The following ZFYVE28 variants were observed in gnomAD, a reference collection of about 807,000 sequenced individuals.
ZFYVE28 encodes zinc finger FYVE-type containing 28.
Under a neutral mutation model 82.1 loss-of-function variants are expected in ZFYVE28, and 40 were observed. The ratio of observed to expected loss-of-function variants is 0.49; its 90% CI spans 0.38 to 0.63. ZFYVE28 has a LOEUF of 0.63. ZFYVE28 is among the 30% of genes least tolerant of loss of function. The probability of loss-of-function intolerance (pLI) is 0.00; values close to 1 mark genes in which losing one functional copy is unlikely to be tolerated. For missense variants in ZFYVE28, 1,321 were observed against 1,242.1 expected, an observed-to-expected ratio of 1.06 and a Z score of -0.96; for synonymous variants, 612 against 546.1, an observed-to-expected ratio of 1.12 and a Z score of -1.68.
chr4:2,390,716 C>A (rs1729733255), intron 1 of ZFYVE28, among the ~76,000 whole-genome samples: 1 of 152,246 alleles, frequency 6.6e-6, no homozygotes, highest in South Asian at 2.1e-4. Context: ...GCCTCTCTAG[C>A]TGCCTGAAGT....
chr4:2,398,959 T>G (rs369536769), intron 1 of ZFYVE28, among the ~76,000 whole-genome samples: 335 of 60,132 alleles, frequency 5.6e-3, no homozygotes, highest in Middle Eastern at 0.012. Context: ...ACAAGGGGGG[T>G]GTGAGATCCA....
chr4:2,276,154 G>C (rs535122932), intron 8 of ZFYVE28, among the ~76,000 whole-genome samples: 2 of 152,224 alleles, frequency 1.3e-5, no homozygotes, highest in Non-Finnish European at 2.9e-5. Flanking sequence ...AGCGGGGGAG[G>C]AGGCTGGAAG....
At chr4:2,317,589 A>G (rs1276649474) in intron 7 of ZFYVE28, among the ~76,000 whole-genome samples, 1 of 151,692 alleles carries the variant, frequency 6.6e-6, no homozygotes, top group East Asian at 1.9e-4. Context: ...CAACTTCAAA[A>G]TCTGGCAAAC....
At chr4:2,296,976 G>T (rs1464785299) in intron 8 of ZFYVE28, among the ~76,000 whole-genome samples, 1 of 152,212 alleles carries the variant, frequency 6.6e-6, no homozygotes, top group African/African-American at 2.4e-5. Context: ...CTGCAGGGAG[G>T]GAAGCGTGGG....
chr4:2,312,676 G>A (rs532064783), intron 7 of ZFYVE28, among the ~76,000 whole-genome samples: 10 of 143,220 alleles, frequency 7.0e-5, no homozygotes, highest in African/African-American at 2.4e-4. Context: ...TGCAGTGAGC[G>A]AGATCGCGCC....
rs540966782 is a variant in ZFYVE28 at position 2,364,124 on chromosome 4, C to T, written c.40-10051G>A. On this transcript the variant is annotated intron_variant, in intron 1 of 12. Transcript: ENST00000290974. ...CCAGGCCTCAGGTCACAGCTCCAGG[C>T]TCACTGTGGCCTTCTGGCCCAGTGG... 2.0e-5 allele frequency among the ~76,000 whole-genome samples: 3 copies of T among 152,340 alleles called. No individual in the cohort carries two copies. In the East Asian group the frequency reaches 5.8e-4, roughly 29 times the overall value.
chr4:2,361,666 C>T (rs1299821867), intron 1 of ZFYVE28, among the ~76,000 whole-genome samples: 1 of 152,202 alleles, frequency 6.6e-6, no homozygotes, highest in Non-Finnish European at 1.5e-5. Flanking sequence ...CTGAAGGTAA[C>T]TCATGGCCAA....
At chr4:2,313,632 G>A (rs868855834) in intron 7 of ZFYVE28, among the ~76,000 whole-genome samples, 26 of 152,100 alleles carry the variant, frequency 1.7e-4, no homozygotes, top group Admixed American at 7.2e-4. Flanking sequence ...TCGGGAGGCC[G>A]AGGTGAGTGG....
Position 2,341,203 on chromosome 4 carries a change from C to T in ZFYVE28, c.318+275G>A. 1 of 526,136 alleles carries T rather than the reference C, an allele frequency of 1.9e-6. No individual in the cohort carries two copies. The highest frequency in any genetic ancestry group is 3.4e-6 in the Non-Finnish European group (1 of 293,274). 32.6% of individuals were successfully genotyped at this position (526,136 alleles called of 1,614,324 possible). On this transcript the variant is annotated intron_variant, in intron 3 of 12. Coordinates refer to ENST00000290974, the MANE Select transcript of ZFYVE28 (RefSeq NM_020972.3). The surrounding 1 kb of genome is among the most constrained non-coding windows in gnomAD (Gnocchi z 4.5). ...TGCCATTAAAAACCACTTTTAGGTC[C>T]TGGCTGTCTGGGGGCCTGTGAACCT...
At chr4:2,402,268 C>T (rs1731272047) in intron 1 of ZFYVE28, among the ~76,000 whole-genome samples, 1 of 152,072 alleles carries the variant, frequency 6.6e-6, no homozygotes, top group African/African-American at 2.4e-5. Flanking sequence ...CCCCTCCTCC[C>T]CAACTCCTCC....
intron 8 of ZFYVE28, among the ~76,000 whole-genome samples, chr4:2,301,801 T>G (rs1014894109): frequency 6.6e-6 from 1 of 152,224 alleles, no homozygotes; most frequent in African/African-American, 2.4e-5. Flanking sequence ...TCTGAGCCCC[T>G]GAGGAAAGCA....
intron 7 of ZFYVE28, among the ~76,000 whole-genome samples, chr4:2,310,236 A>T (rs1373654506): frequency 2.6e-5 from 4 of 152,022 alleles, no homozygotes; most frequent in Non-Finnish European, 5.9e-5. Flanking sequence ...ATCAGGTCTT[A>T]CTATATTGCC....
chr4:2,288,518 G>A (rs909803026), intron 8 of ZFYVE28, among the ~76,000 whole-genome samples: 7 of 152,250 alleles, frequency 4.6e-5, no homozygotes, highest in South Asian at 4.1e-4. Context: ...ACCTGGGCAC[G>A]TGGCTGCTGC....
chr4:2,407,338 C>T (rs1217743530), intron 1 of ZFYVE28, among the ~76,000 whole-genome samples: 1 of 152,120 alleles, frequency 6.6e-6, no homozygotes, highest in Non-Finnish European at 1.5e-5. Context: ...AAAGATTTCG[C>T]TCCACAGTCC....
Position 2,271,775 on chromosome 4 carries a change from G to C in ZFYVE28, c.2328C>G (p.Thr776=), listed in dbSNP as rs1490086688. ...TDDKEKLRKV[T]QTLRSAALED... is the part of the protein sequence containing the mutation. The stretch of plus-strand genomic sequence containing the variant: ...CCAAGGCCGCACTCCGCAGAGTCTG[G>C]GTGACTAGTGGAGAAGGGGGGCCGT... The change falls in exon 11 of 13, where the codon ACC becomes ACG. Residue 776 remains threonine (T), a synonymous_variant. Coordinates refer to ENST00000290974, the MANE Select transcript of ZFYVE28 (RefSeq NM_020972.3). The C allele has an allele frequency of 6.2e-7, 1 of 1,613,178 alleles. No individual in the cohort carries two copies. Among genetic ancestry groups the C allele is most frequent in the Non-Finnish European group, 8.5e-7 (1 of 1,179,628 alleles).
chr4:2,339,341 G>C lies in ZFYVE28; in HGVS notation c.521+112C>G. 7.8e-6 allele frequency: 10 copies of C among 1,285,660 alleles called. No individual in the cohort carries two copies. The highest frequency in any genetic ancestry group is 1.1e-5 in the Non-Finnish European group (10 of 926,922). The allele number at this position is 1,285,660 out of a possible 1,614,324, so 79.6% of individuals were successfully genotyped here. On this transcript the variant is annotated intron_variant, in intron 4 of 12. Coordinates refer to ENST00000290974, the MANE Select transcript of ZFYVE28 (RefSeq NM_020972.3). The surrounding 1 kb of genome is among the most constrained non-coding windows in gnomAD (Gnocchi z 5.0). ...CCACAGGCGGCCCTGAACCTGCCTG[G>C]CTCCTCCCTCTGTGGAATTTTCCAG...
chr4:2,301,813 C>A (rs976135659), intron 8 of ZFYVE28, among the ~76,000 whole-genome samples: 4 of 152,208 alleles, frequency 2.6e-5, no homozygotes, highest in Admixed American at 2.0e-4. Context: ...AGGAAAGCAT[C>A]CAGTAGTGGG....
chr4:2,380,170 A>G (rs745822187), intron 1 of ZFYVE28, among the ~76,000 whole-genome samples: 1 of 152,226 alleles, frequency 6.6e-6, no homozygotes, highest in Non-Finnish European at 1.5e-5. Context: ...CATTTCACAG[A>G]AAGGTGTCTC....
At chr4:2,302,280 C>A (rs2071664) in intron 8 of ZFYVE28, among the ~76,000 whole-genome samples, 13,819 of 152,262 alleles carry the variant, frequency 0.091, 1,466 homozygotes, top group African/African-American at 0.24. Context: ...AGACAGACTT[C>A]TCTGGGTCTA....
Sources: allele counts gnomAD v4.1 joint callset (sites outside exome capture counted in the v4.1 genomes callset), GRCh38; gene constraint gnomAD v4.1.1; non-coding constraint Gnocchi (gnomAD v3.1); transcripts MANE v1.5; gene names NCBI Gene and HGNC (gene_info 2026-07-23, HGNC 2026-07-21).